Variants in HCRTR2 observed in about 807,000 individuals in gnomAD.
The protein encoded by HCRTR2 is hypocretin receptor 2.
Under a neutral mutation model 49.0 loss-of-function variants are expected in HCRTR2, and 22 were observed. The ratio of observed to expected loss-of-function variants is 0.45; its 90% CI spans 0.32 to 0.64. The LOEUF is 0.64. HCRTR2 is among the 30% of genes least tolerant of loss of function. The pLI, the probability that HCRTR2 is intolerant of heterozygous loss-of-function variation, is 0.04. For missense variants in HCRTR2, 491 were observed against 559.4 expected, an observed-to-expected ratio of 0.88 and a Z score of 1.23; for synonymous variants, 236 against 205.3, an observed-to-expected ratio of 1.15 and a Z score of -1.28.
chr6:55,127,398 T>A (rs1411465495), intron 1 of HCRTR2, among the ~76,000 whole-genome samples: 8 of 152,000 alleles, frequency 5.3e-5, no homozygotes. Flanking sequence ...TCCAAAGCAT[T>A]CACTGTCCAA....
intron 5 of HCRTR2, among the ~76,000 whole-genome samples, chr6:55,278,260 C>T (rs1441503577): frequency 1.3e-5 from 2 of 152,156 alleles, no homozygotes; most frequent in South Asian, 4.1e-4. Flanking sequence ...GCAGCAGATG[C>T]AGAGGCAGTG....
chr6:55,253,918 A>C (rs2127316025), intron 2 of HCRTR2, among the ~76,000 whole-genome samples: 1 of 152,240 alleles, frequency 6.6e-6, no homozygotes, highest in Non-Finnish European at 1.5e-5. Context: ...AGGAAAAATA[A>C]CCAGTGGATA....
chr6:55,138,059 G>A lies in HCRTR2; in HGVS notation c.-378+31514G>A, dbSNP rs566354344. On this transcript the variant is annotated intron_variant, in intron 1 of 7. Transcript: ENST00000615358. ...CTGCATTTAATGTGCCAGCAGTAGAGCTTATTTTATGATTAGGAGCAATGA... is the reference window on the plus strand; with the variant it reads ...CTGCATTTAATGTGCCAGCAGTAGAACTTATTTTATGATTAGGAGCAATGA... Among the ~76,000 whole-genome samples the A allele has an allele frequency of 5.3e-5, 8 of 152,194 alleles. No individual in the cohort carries two copies. In the South Asian group the frequency reaches 1.0e-3, roughly 20 times the overall value.
intron 1 of HCRTR2, among the ~76,000 whole-genome samples, chr6:55,142,481 A>G (rs1764521495): frequency 6.6e-6 from 1 of 151,766 alleles, no homozygotes; most frequent in Admixed American, 6.6e-5. Flanking sequence ...TGCTGGGATT[A>G]CAGGCATGAG....
intron 1 of HCRTR2, among the ~76,000 whole-genome samples, chr6:55,144,215 C>T (rs1287616885): frequency 6.7e-6 from 1 of 148,764 alleles, no homozygotes; most frequent in African/African-American, 2.5e-5. Flanking sequence ...CGGGTTCAAG[C>T]AATTCTCTTG....
intron 1 of HCRTR2, among the ~76,000 whole-genome samples, chr6:55,111,273 G>A (rs1431495311): frequency 6.6e-6 from 1 of 151,788 alleles, no homozygotes; most frequent in Non-Finnish European, 1.5e-5. Flanking sequence ...AGAGAAACAA[G>A]AACAAACCAA....
At chr6:55,210,816 G>C (rs1765683123) in intron 1 of HCRTR2, among the ~76,000 whole-genome samples, 1 of 151,952 alleles carries the variant, frequency 6.6e-6, no homozygotes, top group African/African-American at 2.4e-5. Context: ...GATTTTGTTG[G>C]GTACAATCTG....
chr6:55,263,601 C>A, intron 3 of HCRTR2, 106 bp from the exon 4 acceptor site: 5 of 699,050 alleles, frequency 7.2e-6, no homozygotes, highest in East Asian at 2.7e-5. Context: ...ACAATGAAAT[C>A]ATATAAAAGG....
chr6:55,212,670 T>G (rs907591047), intron 1 of HCRTR2, among the ~76,000 whole-genome samples: 3 of 152,148 alleles, frequency 2.0e-5, no homozygotes, highest in Admixed American at 6.6e-5. Context: ...ATTAAACATA[T>G]AAAAGAATGG....
intron 1 of HCRTR2, among the ~76,000 whole-genome samples, chr6:55,241,852 T>C (rs945455439): frequency 4.0e-5 from 6 of 149,666 alleles, no homozygotes; most frequent in Non-Finnish European, 5.9e-5. Context: ...TGTCTTACTA[T>C]GGCAACTAAT....
chr6:55,240,691 G>A, intron 1 of HCRTR2: 1 of 303,204 alleles, frequency 3.3e-6, no homozygotes, highest in South Asian at 2.7e-5. Flanking sequence ...AGGATTTGGT[G>A]GAGAGTTTGT....
chr6:55,237,393 T>C (rs1033888771), intron 1 of HCRTR2, among the ~76,000 whole-genome samples: 3 of 152,194 alleles, frequency 2.0e-5, no homozygotes, highest in African/African-American at 7.2e-5. Context: ...GGAGAGCTTG[T>C]CTACTTCAGA....
chr6:55,158,281 T>C (rs1256527785), intron 1 of HCRTR2, among the ~76,000 whole-genome samples: 1 of 152,172 alleles, frequency 6.6e-6, no homozygotes, highest in African/African-American at 2.4e-5. Flanking sequence ...GTCCAGATAC[T>C]ATGCTTTTCC....
intron 5 of HCRTR2, among the ~76,000 whole-genome samples, chr6:55,279,696 AT>A (rs978121315): frequency 3.9e-5 from 6 of 152,078 alleles, no homozygotes; most frequent in African/African-American, 1.2e-4. Flanking sequence ...TATGGAGAAA[AT>A]TTTTTAATAG....
intron 1 of HCRTR2, among the ~76,000 whole-genome samples, chr6:55,177,122 T>C (rs1765054338): frequency 6.6e-6 from 1 of 152,218 alleles, no homozygotes; most frequent in African/African-American, 2.4e-5. Context: ...ACAGTAAGGC[T>C]ACTTGTTTCA....
At chr6:55,166,853 A>T (rs752922902) in intron 1 of HCRTR2, among the ~76,000 whole-genome samples, 10 of 152,188 alleles carry the variant, frequency 6.6e-5, no homozygotes, top group Non-Finnish European at 1.2e-4. Flanking sequence ...ATATAATTAA[A>T]TACTATTCAG....
chr6:55,174,408 C>T (rs1764997231), upstream of HCRTR2: 2 of 655,032 alleles, frequency 3.1e-6, no homozygotes, highest in Non-Finnish European at 5.5e-6. Flanking sequence ...GCAAAGCCAC[C>T]GCAGAAGTTG....
intron 1 of HCRTR2, among the ~76,000 whole-genome samples, chr6:55,169,249 A>G (rs1030452391): frequency 2.6e-5 from 4 of 152,028 alleles, no homozygotes; most frequent in Middle Eastern, 3.4e-3. Context: ...AATAAAAAAC[A>G]TAAGGGGAAA....
chr6:55,262,852 A>G (rs950190952), intron 3 of HCRTR2, among the ~76,000 whole-genome samples: 1 of 149,866 alleles, frequency 6.7e-6, no homozygotes, highest in Non-Finnish European at 1.5e-5. Context: ...TTAAACCACA[A>G]TGCCATGAAG....
Sources: allele counts gnomAD v4.1 joint callset (sites outside exome capture counted in the v4.1 genomes callset), GRCh38; gene constraint gnomAD v4.1.1; transcripts MANE v1.5; gene names NCBI Gene and HGNC (gene_info 2026-07-23, HGNC 2026-07-21).